The following PHF20 variants were observed in gnomAD, a reference collection of about 807,000 sequenced individuals.
The protein encoded by PHF20 is glioma-expressed antigen 2.
PHF20 carries 23 observed loss-of-function variants against 113.5 expected under a neutral mutation model. That is an observed-to-expected ratio of 0.20 (90% CI 0.15 to 0.29). The LOEUF is 0.29. PHF20 is among the 10% of genes least tolerant of loss of function. The pLI is 1.00. For synonymous variants in PHF20, 434 were observed against 457.3 expected, an observed-to-expected ratio of 0.95 and a Z score of 0.65; for missense variants, 943 against 1,219.6, an observed-to-expected ratio of 0.77 and a Z score of 3.38.
At chr20:35,860,066 G>A (rs2054190826) in intron 5 of PHF20, among the ~76,000 whole-genome samples, 1 of 152,082 alleles carries the variant, frequency 6.6e-6, no homozygotes, top group Admixed American at 6.6e-5. Context: ...TTACAGGCAT[G>A]TGCCACTACG....
chr20:35,817,478 C>T (rs1208231963), intron 2 of PHF20, among the ~76,000 whole-genome samples: 4 of 152,112 alleles, frequency 2.6e-5, no homozygotes, highest in Non-Finnish European at 5.9e-5. Context: ...TGAGCCACCA[C>T]GCCAGACCTA....
At chr20:35,856,389 A>G (rs982171450) in intron 4 of PHF20, 1 of 152,244 alleles carries the variant, frequency 6.6e-6, no homozygotes, top group Non-Finnish European at 1.5e-5. Context: ...AAAAATGCAC[A>G]TTCCTGTGCC....
chr20:35,881,048 CTTTTT>C (rs773060725), intron 9 of PHF20, among the ~76,000 whole-genome samples: 9 of 109,746 alleles, frequency 8.2e-5, no homozygotes, highest in South Asian at 7.5e-4. Flanking sequence ...CTCTAAATAC[CTTTTT>C]TTTTTTTTTT....
intron 1 of PHF20, among the ~76,000 whole-genome samples, chr20:35,795,007 C>T (rs1057147970): frequency 3.9e-5 from 6 of 151,982 alleles, no homozygotes; most frequent in African/African-American, 1.4e-4. Context: ...GCCTGGCCAA[C>T]ATGGCAATAC....
intron 17 of PHF20, among the ~76,000 whole-genome samples, chr20:35,943,163 T>G (rs1481725691): frequency 6.6e-6 from 1 of 152,132 alleles, no homozygotes; most frequent in Non-Finnish European, 1.5e-5. Context: ...AATAGGAATT[T>G]GGATGTAACA....
chr20:35,898,023 G>A (rs1474191071), intron 9 of PHF20, among the ~76,000 whole-genome samples: 1 of 151,884 alleles, frequency 6.6e-6, no homozygotes, highest in Non-Finnish European at 1.5e-5. Context: ...TTACAGGCAT[G>A]TGCCACCATG....
intron 7 of PHF20, among the ~76,000 whole-genome samples, chr20:35,870,059 CT>C (rs1008949456): frequency 6.6e-6 from 1 of 151,146 alleles, no homozygotes; most frequent in Admixed American, 6.6e-5. Context: ...AATCCCAGCA[CT>C]TTGGGAGGCT....
intron 2 of PHF20, among the ~76,000 whole-genome samples, chr20:35,815,380 C>G (rs1174195234): frequency 1.3e-5 from 2 of 152,038 alleles, no homozygotes; most frequent in African/African-American, 2.4e-5. Context: ...GAGTTGGAGA[C>G]CAGCCTGGCC....
At chr20:35,917,723 T>C in intron 13 of PHF20, 61 bp downstream of exon 13, 1 of 1,438,702 alleles carries the variant, frequency 7.0e-7, no homozygotes, top group Non-Finnish European at 9.5e-7. Flanking sequence ...GGAGGGAATT[T>C]TGAGGCCAGC....
At chr20:35,838,092 C>T (rs372060732) in intron 2 of PHF20, among the ~76,000 whole-genome samples, 9 of 152,090 alleles carry the variant, frequency 5.9e-5, no homozygotes, top group Non-Finnish European at 1.3e-4. Flanking sequence ...TAGCTGAGGA[C>T]GTAAAGACCC....
chr20:35,779,908 A>G (rs541602763), intron 1 of PHF20, among the ~76,000 whole-genome samples: 11 of 152,312 alleles, frequency 7.2e-5, no homozygotes, highest in Admixed American at 4.6e-4. Context: ...TTTTACAATA[A>G]TGATAACTAT....
chr20:35,923,500 G>A (rs74775594), intron 13 of PHF20, among the ~76,000 whole-genome samples: 1 of 152,114 alleles, frequency 6.6e-6, no homozygotes, highest in African/African-American at 2.4e-5. Flanking sequence ...TGAAAGTTTT[G>A]GTTATTTTAA....
chr20:35,832,715 C>T (rs1458647613), intron 2 of PHF20, among the ~76,000 whole-genome samples: 1 of 152,046 alleles, frequency 6.6e-6, no homozygotes, highest in Non-Finnish European at 1.5e-5. Flanking sequence ...TAACGTAGGG[C>T]CTGTCATCCT....
At chr20:35,832,590 A>G in intron 2 of PHF20, among the ~76,000 whole-genome samples, 1 of 152,168 alleles carries the variant, frequency 6.6e-6, no homozygotes, top group Admixed American at 6.6e-5. Flanking sequence ...CTATGGGAGG[A>G]TAAGGATGTT....
chr20:35,795,051 G>T (rs1326191246), intron 1 of PHF20, among the ~76,000 whole-genome samples: 1 of 152,014 alleles, frequency 6.6e-6, no homozygotes, highest in Non-Finnish European at 1.5e-5. Context: ...AATTAGCTGG[G>T]TGTGGTGGTG....
chr20:35,831,732 C>T (rs963559016), intron 2 of PHF20, among the ~76,000 whole-genome samples: 2 of 152,170 alleles, frequency 1.3e-5, no homozygotes, highest in African/African-American at 2.4e-5. Context: ...TGGGCCACTG[C>T]GCCCAGCCTT....
intron 9 of PHF20, among the ~76,000 whole-genome samples, chr20:35,880,169 G>A (rs938377373): frequency 6.6e-6 from 1 of 152,194 alleles, no homozygotes; most frequent in African/African-American, 2.4e-5. Context: ...TTTGCCTCTT[G>A]GGGAGAGGTG....
intron 9 of PHF20, among the ~76,000 whole-genome samples, chr20:35,882,532 A>G (rs1027923890): frequency 3.9e-5 from 6 of 152,232 alleles, no homozygotes; most frequent in Non-Finnish European, 8.8e-5. Context: ...GGCTTAAGCC[A>G]TCTTTCCACC....
intron 3 of PHF20, among the ~76,000 whole-genome samples, chr20:35,843,998 G>T (rs369310576): frequency 1.3e-5 from 2 of 151,962 alleles, no homozygotes. Flanking sequence ...TAGTTTTAAG[G>T]TTTTTTTGTT....
Sources: allele counts gnomAD v4.1 joint callset (sites outside exome capture counted in the v4.1 genomes callset), GRCh38; gene constraint gnomAD v4.1.1; transcripts MANE v1.5; gene names NCBI Gene and HGNC (gene_info 2026-07-23, HGNC 2026-07-21).